CCDC6: variants seen among roughly 807,000 people sequenced by gnomAD.
CCDC6 encodes the protein coiled-coil domain containing 6.
A neutral mutation model predicts 56.6 loss-of-function variants in CCDC6; 20 were observed. That is an observed-to-expected ratio of 0.35 (90% CI 0.25 to 0.51). The LOEUF is 0.51. CCDC6 is among the 20% of genes least tolerant of loss of function. The probability of loss-of-function intolerance (pLI) is 0.95; values close to 1 mark genes in which losing one functional copy is unlikely to be tolerated. For synonymous variants in CCDC6, 241 were observed against 234.4 expected (o/e 1.03, Z -0.26); for missense variants, 367 against 601.1 (o/e 0.61, Z 4.07).
intron 1 of CCDC6, among the ~76,000 whole-genome samples, chr10:59,857,049 T>C (rs2071086102): frequency 6.6e-6 from 1 of 152,206 alleles, no homozygotes; most frequent in Non-Finnish European, 1.5e-5. Context: ...TAATCAATTA[T>C]TTGTGTAATT....
chr10:59,793,086 C>T lies in CCDC6; in HGVS notation c.1256G>A (p.Ser419Asn). ...ITRPSPRRSNSPDKFKRPTPP... is the reference protein window; with the variant it reads ...ITRPSPRRSNNPDKFKRPTPP... Reference sequence around the variant, plus strand: ...CGTGGGCCGTTTGAATTTGTCAGGACTGTTGCTTCTCCGTGGTGAAGGCCT... The same window carrying T: ...CGTGGGCCGTTTGAATTTGTCAGGATTGTTGCTTCTCCGTGGTGAAGGCCT... Residue 419 changes from serine (S) to asparagine (N), a missense_variant, in exon 9 of 9, where the codon AGT (serine) becomes AAT (asparagine). Ser to Asn is a conservative substitution (Grantham distance 46). Coordinates refer to ENST00000263102, the MANE Select transcript of CCDC6 (RefSeq NM_005436.5). The T allele has an allele frequency of 6.2e-7, 1 of 1,614,144 alleles. No individual in the cohort carries two copies. The highest frequency in any genetic ancestry group is 1.1e-5 in the South Asian group (1 of 91,060).
intron 1 of CCDC6, among the ~76,000 whole-genome samples, chr10:59,879,744 G>A (rs2071317061): frequency 6.6e-6 from 1 of 152,056 alleles, no homozygotes; most frequent in African/African-American, 2.4e-5. Flanking sequence ...TTGCTTCCCT[G>A]CTTCCATCAA....
intron 1 of CCDC6, among the ~76,000 whole-genome samples, chr10:59,905,396 T>C (rs1430782215): frequency 6.6e-6 from 1 of 152,158 alleles, no homozygotes; most frequent in Non-Finnish European, 1.5e-5. Flanking sequence ...TACCTCTGGC[T>C]CAGCCAGGGA....
rs779207356 is a variant in CCDC6 at position 59,792,923 on chromosome 10, C to A, written c.1419G>T (p.Gln473His). Residue 473 changes from glutamine (Q) to histidine (H), a missense_variant, in exon 9 of 9, where the codon CAG becomes CAT. Transcript: ENST00000263102. ...TTCAGACTAAGCTCATGCATTAAGG[C>A]TGGGAGGAGGGGTGCGCCGAATGTT... ...PSQHSAHPSS[Q>H]P 1 of 1,609,772 alleles carries A rather than the reference C, an allele frequency of 6.2e-7. No homozygotes were observed. Among genetic ancestry groups the A allele is most frequent in the East Asian group, 2.2e-5 (1 of 44,850 alleles).
At chr10:59,798,087 C>T (rs558809825) in intron 7 of CCDC6, among the ~76,000 whole-genome samples, 41 of 152,328 alleles carry the variant, frequency 2.7e-4, no homozygotes, top group South Asian at 1.4e-3. Context: ...GGCTAGCTTT[C>T]TTTACACCTT....
chr10:59,895,448 T>C (rs2071454945), intron 1 of CCDC6, among the ~76,000 whole-genome samples: 1 of 152,210 alleles, frequency 6.6e-6, no homozygotes, highest in Non-Finnish European at 1.5e-5. Flanking sequence ...TGATACAAGC[T>C]TTCTGGGCCT....
In CCDC6 at chr10:59,793,073, G is replaced by A; in HGVS notation, c.1269C>T (p.Phe423=). ...GAGATGGAGGCGGCGTGGGCCGTTT[G>A]AATTTGTCAGGACTGTTGCTTCTCC... ...SPRRSNSPDK[F]KRPTPPPSPN... The change falls in exon 9 of 9, where the codon TTC becomes TTT. Residue 423 remains phenylalanine, a synonymous_variant. Transcript: ENST00000263102. The A allele has an allele frequency of 3.7e-6, 6 of 1,614,174 alleles. No individual in the cohort carries two copies. Among genetic ancestry groups the A allele is most frequent in the Non-Finnish European group, 5.1e-6 (6 of 1,180,026 alleles).
chr10:59,807,542 G>A (rs568403030), intron 5 of CCDC6, among the ~76,000 whole-genome samples: 136 of 152,258 alleles, frequency 8.9e-4, no homozygotes, highest in Middle Eastern at 3.4e-3. Flanking sequence ...ACATAGATGA[G>A]ATATGGATTT....
intron 2 of CCDC6, among the ~76,000 whole-genome samples, chr10:59,832,868 T>C (rs1446909532): frequency 6.6e-6 from 1 of 152,240 alleles, no homozygotes; most frequent in African/African-American, 2.4e-5. Flanking sequence ...CAATTTGTGT[T>C]TTGCAATATA....
At chr10:59,845,355 T>G (rs1348329283) in intron 2 of CCDC6, among the ~76,000 whole-genome samples, 1 of 148,950 alleles carries the variant, frequency 6.7e-6, no homozygotes, top group African/African-American at 2.5e-5. Context: ...GGTTTTTTTT[T>G]TTTTTTTTTT....
intron 1 of CCDC6, among the ~76,000 whole-genome samples, chr10:59,889,287 G>A (rs931315597): frequency 1.3e-5 from 2 of 152,208 alleles, no homozygotes; most frequent in African/African-American, 4.8e-5. Flanking sequence ...CATTCTATGG[G>A]AGGGGCTTCT....
chr10:59,895,237 G>C (rs925381949), intron 1 of CCDC6, among the ~76,000 whole-genome samples: 1 of 152,180 alleles, frequency 6.6e-6, no homozygotes, highest in Non-Finnish European at 1.5e-5. Flanking sequence ...AAGAGGTCGA[G>C]GCTGCAGTCA....
intron 3 of CCDC6, among the ~76,000 whole-genome samples, chr10:59,821,377 T>G (rs1021896399): frequency 9.2e-5 from 14 of 152,218 alleles, no homozygotes; most frequent in Non-Finnish European, 2.9e-5. Context: ...AATGTCTGTG[T>G]CAGCTGTCTG....
chr10:59,816,163 A>G (rs1368980077), intron 3 of CCDC6, among the ~76,000 whole-genome samples: 2 of 152,194 alleles, frequency 1.3e-5, no homozygotes, highest in Non-Finnish European at 2.9e-5. Context: ...TCCACATCTG[A>G]GCCAGAATGA....
intron 1 of CCDC6, among the ~76,000 whole-genome samples, chr10:59,882,776 C>A (rs1011746779): frequency 6.6e-6 from 1 of 152,064 alleles, no homozygotes; most frequent in Admixed American, 6.5e-5. Context: ...CTGGGTAACA[C>A]AGTGAAACCC....
intron 1 of CCDC6, among the ~76,000 whole-genome samples, chr10:59,894,859 T>C (rs1363063968): frequency 6.6e-6 from 1 of 152,132 alleles, no homozygotes; most frequent in Non-Finnish European, 1.5e-5. Context: ...TTATTTCTTT[T>C]CCAAGACAGG....
intron 2 of CCDC6, among the ~76,000 whole-genome samples, chr10:59,840,734 T>C (rs539659551): frequency 4.7e-4 from 71 of 152,336 alleles, no homozygotes; most frequent in African/African-American, 1.5e-3. Flanking sequence ...CTTCCAGTCA[T>C]TAAGACTCAA....
chr10:59,819,419 T>C (rs943282572), intron 3 of CCDC6, among the ~76,000 whole-genome samples: 2 of 152,198 alleles, frequency 1.3e-5, no homozygotes, highest in Non-Finnish European at 2.9e-5. Context: ...GCAGAGAAGT[T>C]AGAGGAAATC....
intron 1 of CCDC6, among the ~76,000 whole-genome samples, chr10:59,871,778 G>A (rs1259748924): frequency 6.6e-6 from 1 of 152,144 alleles, no homozygotes; most frequent in Non-Finnish European, 1.5e-5. Context: ...CCTGCCTTGT[G>A]AGGGGGCAGG....
Sources: gnomAD v4.1 joint callset for allele counts (sites outside exome capture counted in the v4.1 genomes callset) on GRCh38, gnomAD v4.1.1 for gene constraint, MANE v1.5 for transcripts, NCBI Gene and HGNC (gene_info 2026-07-23, HGNC 2026-07-21) for gene names.